NABP2: variants seen among roughly 807,000 people sequenced by gnomAD.
NABP2 encodes SOSS complex subunit B1.
A neutral mutation model predicts 22.7 loss-of-function variants in NABP2; 7 were observed. That is an observed-to-expected ratio of 0.31 (90% CI 0.18 to 0.58). The LOEUF (loss-of-function observed/expected upper bound fraction) is 0.58. Among genes scored for constraint, NABP2 ranks in the 20% least tolerant of loss-of-function variants. NABP2 has a pLI of 0.89. For synonymous variants in NABP2, 107 were observed against 99.2 expected, an observed-to-expected ratio of 1.08 and a Z score of -0.47; for missense variants, 188 against 265.9, an observed-to-expected ratio of 0.71 and a Z score of 2.04.
In NABP2 at chr12:56,229,087, T is replaced by TTGCCCG; in HGVS notation, c.510_511insTGCCCG (p.Thr170_Pro171insCysPro). 2.6e-6 allele frequency: 4 copies of TTGCCCG among 1,512,336 alleles called. No homozygotes were observed. The highest frequency in any genetic ancestry group is 3.6e-6 in the Non-Finnish European group (4 of 1,102,004). 93.7% of individuals were successfully genotyped at this position (1,512,336 alleles called of 1,614,324 possible). A position where few individuals can be genotyped will look rare whatever the true frequency, so the allele number is the denominator to read the frequency against. ...GTGGTGGCCCACATCCCCCTCATACTCCCTCCCACCCACCCAGCACCCGAA... is the reference window on the plus strand; with the variant it reads ...GTGGTGGCCCACATCCCCCTCATACTTGCCCGCCCTCCCACCCACCCAGCACCCGAA... On this transcript the variant is annotated inframe_insertion, in exon 7 of 7. Transcript: ENST00000267023.
rs1869745301 is a variant in NABP2 at position 56,226,038 on chromosome 12, G to C, written c.291-141G>C. On this transcript the variant is annotated intron_variant, in intron 4 of 6. Coordinates refer to ENST00000267023, the MANE Select transcript of NABP2 (RefSeq NM_024068.4). Reference sequence around the variant, plus strand: ...GCTGGTCCCAAACTCCTGGGCTGAAGTGATCCTCCCGCTTCTGCCTCCCAA... The same window carrying C: ...GCTGGTCCCAAACTCCTGGGCTGAACTGATCCTCCCGCTTCTGCCTCCCAA... The C allele has an allele frequency of 1.3e-5, 10 of 744,906 alleles. No individual in the cohort carries two copies. In the East Asian group the frequency reaches 2.7e-4, roughly 20 times the overall value. 46.1% of individuals were successfully genotyped at this position (744,906 alleles called of 1,614,324 possible).
chr12:56,224,134 G>A (rs565347916), upstream of NABP2, among the ~76,000 whole-genome samples: 1 of 152,336 alleles, frequency 6.6e-6, no homozygotes, highest in African/African-American at 2.4e-5. Context: ...AAAACTGGGG[G>A]CCCTGTGCGC....
chr12:56,222,772 A>C (rs1306001488), upstream of NABP2, among the ~76,000 whole-genome samples: 1 of 152,216 alleles, frequency 6.6e-6, no homozygotes, highest in Non-Finnish European at 1.5e-5. Flanking sequence ...GGCTAAGCAA[A>C]TGCTAATGCA....
At chr12:56,223,502 A>T (rs1340507350), upstream of NABP2, 1 of 150,256 alleles carries the variant, frequency 6.7e-6, no homozygotes, top group East Asian at 2.0e-4. Context: ...GCACCACTAC[A>T]CTCCAGCCTG....
At chr12:56,224,178 A>T (rs1456893531), upstream of NABP2, 1 of 292,372 alleles carries the variant, frequency 3.4e-6, no homozygotes, top group Non-Finnish European at 5.1e-6. Flanking sequence ...CTACAGAGCC[A>T]ACTATCTCCA....
At chr12:56,224,664 C>T in intron 1 of NABP2, 170 bp from the exon 2 acceptor site, 1 of 969,042 alleles carries the variant, frequency 1.0e-6, no homozygotes, top group Admixed American at 2.8e-5. Context: ...CCCCCAAATT[C>T]TGATCCTGAA....
chr12:56,226,229 A>C lies in NABP2; in HGVS notation c.341A>C (p.Glu114Ala). ...CCTAACTTCAGTGAGCCAAACCCAG[A>C]GTACAGCACCCAGCAGGCACCCAAC... ...EVPNFSEPNPEYSTQQAPNKA... is the reference protein window; with the variant it reads ...EVPNFSEPNPAYSTQQAPNKA... Residue 114 changes from glutamate (E) to alanine (A), a missense_variant, in exon 5 of 7, where the codon GAG becomes GCG. Glu to Ala is a moderately radical substitution (Grantham distance 107). Coordinates refer to ENST00000267023, the MANE Select transcript of NABP2 (RefSeq NM_024068.4). 6.2e-7 allele frequency: 1 copy of C among 1,614,186 alleles called. No individual in the cohort carries two copies. The highest frequency in any genetic ancestry group is 8.5e-7 in the Non-Finnish European group (1 of 1,180,034).
chr12:56,225,549 C>A (rs1474351148), intron 3 of NABP2, 38 bp downstream of exon 3: 2 of 1,614,104 alleles, frequency 1.2e-6, no homozygotes, highest in South Asian at 2.2e-5. Flanking sequence ...CCAAAGGCAA[C>A]AACAATCAAG....
intron 6 of NABP2, among the ~76,000 whole-genome samples, chr12:56,228,477 C>T (rs61939014): frequency 0.21 from 31,872 of 151,506 alleles, 4,004 homozygotes; most frequent in Non-Finnish European, 0.29. Context: ...ACCTCTGCCT[C>T]CCAGGTTTAG....
intron 6 of NABP2, among the ~76,000 whole-genome samples, chr12:56,227,373 C>CA (rs35370619): frequency 0.16 from 16,285 of 104,006 alleles, 1,686 homozygotes; most frequent in African/African-American, 0.34. Flanking sequence ...GACTCTTTCT[C>CA]AAAAAAAAAA....
chr12:56,224,585 T>C (rs1225277269), intron 1 of NABP2, 144 bp downstream of exon 1: 2 of 1,232,796 alleles, frequency 1.6e-6, no homozygotes, highest in African/African-American at 1.5e-5. Flanking sequence ...GCTCCGCCAC[T>C]TCGCGGCTTG....
In NABP2 at chr12:56,226,404, T is replaced by G; in HGVS notation, c.421T>G (p.Ser141Ala). ...AGCTTCCCAGCCTACCACTGGACCC[T>G]CTGCTGCCTCTCCAGGTAAATCTGT... Reference protein sequence around the residue: ...PSASQPTTGPSAASPASENQN... With the variant: ...PSASQPTTGPAAASPASENQN... The change falls in exon 6 of 7, where the codon TCT (serine) becomes GCT (alanine). Residue 141 changes from serine to alanine, a missense_variant. By Grantham distance (99) the Ser-to-Ala change is moderately conservative. Coordinates refer to ENST00000267023, the MANE Select transcript of NABP2 (RefSeq NM_024068.4). The G allele has an allele frequency of 6.2e-7, 1 of 1,613,260 alleles. No individual in the cohort carries two copies. The highest frequency in any genetic ancestry group is 8.5e-7 in the Non-Finnish European group (1 of 1,180,000).
At chr12:56,225,841 T>C in intron 4 of NABP2, 146 bp downstream of exon 4, 3 of 962,952 alleles carry the variant, frequency 3.1e-6, no homozygotes, top group Admixed American at 2.2e-5. Context: ...TCTCTGTCGC[T>C]CAGGCTGGAG....
At chr12:56,227,563 G>C (rs1007591257) in intron 6 of NABP2, among the ~76,000 whole-genome samples, 3 of 152,194 alleles carry the variant, frequency 2.0e-5, no homozygotes, top group African/African-American at 7.2e-5. Flanking sequence ...GAGAGATAAT[G>C]ATTATAATAC....
rs759057080 is a variant in NABP2 at position 56,229,094 on chromosome 12, C to A, written c.517C>A (p.His173Asn). ...GGPHPPHTPS[H>N]PPSTRITRSQ... ...CCCACATCCCCCTCATACTCCCTCCCACCCACCCAGCACCCGAATCACTCG... is the reference window on the plus strand; with the variant it reads ...CCCACATCCCCCTCATACTCCCTCCAACCCACCCAGCACCCGAATCACTCG... Residue 173 changes from histidine (H) to asparagine (N), a missense_variant, in exon 7 of 7, where the codon CAC becomes AAC. Transcript: ENST00000267023. 6.5e-7 allele frequency: 1 copy of A among 1,527,210 alleles called. No homozygotes were observed. The highest frequency in any genetic ancestry group is 9.0e-7 in the Non-Finnish European group (1 of 1,105,692). 94.6% of individuals were successfully genotyped at this position (1,527,210 alleles called of 1,614,324 possible).
At position 56,225,644 on chromosome 12, in the gene NABP2, G is replaced by A. The variant is rs758168126; in HGVS notation, c.239G>A (p.Gly80Asp). The change falls in exon 4 of 7, where the codon GGT (glycine) becomes GAT (aspartate). Residue 80 changes from glycine to aspartate, a missense_variant. By Grantham distance (94) the Gly-to-Asp change is moderately conservative. Coordinates refer to ENST00000267023, the MANE Select transcript of NABP2 (RefSeq NM_024068.4). ...CATAGGTACGCTTCAGTTTTCAAAG[G>A]TTGTCTGACACTATATACTGGCCGT... ...LTKGYASVFK[G>D]CLTLYTGRGG... is the part of the protein sequence containing the mutation. 3 of 1,614,038 alleles carry A rather than the reference G, an allele frequency of 1.9e-6. No homozygotes were observed. The highest frequency in any genetic ancestry group is 2.5e-6 in the Non-Finnish European group (3 of 1,180,048).
intron 4 of NABP2, 95 bp downstream of exon 4, chr12:56,225,790 G>A: frequency 7.9e-7 from 1 of 1,267,718 alleles, no homozygotes; most frequent in Non-Finnish European, 1.1e-6. Flanking sequence ...CCTCATTTCT[G>A]GACTTTTTCT....
chr12:56,222,847 C>A (rs2135825423), upstream of NABP2, among the ~76,000 whole-genome samples: 1 of 152,310 alleles, frequency 6.6e-6, no homozygotes, highest in Non-Finnish European at 1.5e-5. Context: ...ACAGAGCTAG[C>A]TACCTTTTGT....
chr12:56,228,179 C>A (rs898317661), intron 6 of NABP2, among the ~76,000 whole-genome samples: 4 of 151,776 alleles, frequency 2.6e-5, no homozygotes, highest in African/African-American at 4.8e-5. Context: ...GCAACAAGAG[C>A]GAAACTCCAA....
Sources: gnomAD v4.1 joint callset for allele counts (sites outside exome capture counted in the v4.1 genomes callset) on GRCh38, gnomAD v4.1.1 for gene constraint, MANE v1.5 for transcripts, NCBI Gene and HGNC (gene_info 2026-07-23, HGNC 2026-07-21) for gene names.